Variants in GCN1 observed in about 807,000 individuals in gnomAD.
GCN1 encodes the protein stalled ribosome sensor GCN1.
In GCN1, 90 loss-of-function variants were observed where a neutral mutation model predicts 288.4. The ratio of observed to expected loss-of-function variants is 0.31; its 90% CI spans 0.26 to 0.37. The LOEUF (loss-of-function observed/expected upper bound fraction) is 0.37. Among genes scored for constraint, GCN1 ranks in the 10% least tolerant of loss-of-function variants. The pLI is 1.00. For synonymous variants in GCN1, 1,386 were observed against 1,420.2 expected (o/e 0.98, Z 0.54); for missense variants, 2,586 against 3,419.9 (o/e 0.76, Z 6.08).
Position 120,144,624 on chromosome 12 carries a change from G to A in GCN1, c.5352+15C>T, listed in dbSNP as rs751189355. 1.6e-5 allele frequency: 25 copies of A among 1,609,756 alleles called. No individual in the cohort carries two copies. Among genetic ancestry groups the A allele is most frequent in the Middle Eastern group, 1.6e-4 (1 of 6,074 alleles). ...TCCTCAAGGACTCTACCCTTGCCAA[G>A]GTCATGGTACCTACTTTGAGGATAC... On this transcript the variant is annotated intron_variant, in intron 41 of 57. Transcript: ENST00000300648. The surrounding 1 kb of genome is among the most constrained non-coding windows in gnomAD (Gnocchi z 4.7).
At chr12:120,188,410 G>C (rs1197573203) in intron 2 of GCN1, among the ~76,000 whole-genome samples, 1 of 148,312 alleles carries the variant, frequency 6.7e-6, no homozygotes, top group Non-Finnish European at 1.5e-5. Context: ...CTCCAGCCTG[G>C]GTGACAGAGG....
intron 36 of GCN1, among the ~76,000 whole-genome samples, chr12:120,149,375 A>C (rs961181609): frequency 6.6e-6 from 1 of 152,172 alleles, no homozygotes; most frequent in African/African-American, 2.4e-5. Flanking sequence ...AAATACAAAA[A>C]TTAGCCAGGT....
Position 120,144,933 on chromosome 12 carries a change from G to T in GCN1, c.5145C>A (p.Gly1715=), listed in dbSNP as rs761418228. The T allele has an allele frequency of 6.2e-7, 1 of 1,614,154 alleles. No homozygotes were observed. Among genetic ancestry groups the T allele is most frequent in the South Asian group, 1.1e-5 (1 of 91,078 alleles). ...CTGCTCTGGCCTTACCCTGTGCAGCGCCTGAGCGATCCACAGAGCTCTGCT... is the reference window on the plus strand; with the variant it reads ...CTGCTCTGGCCTTACCCTGTGCAGCTCCTGAGCGATCCACAGAGCTCTGCT... ...TYEQSSVDRS[G]AAQGLAEVMA... is the part of the protein sequence containing the mutation. Residue 1715 remains glycine, a synonymous_variant, in exon 40 of 58, where the codon GGC becomes GGA. Coordinates refer to ENST00000300648, the MANE Select transcript of GCN1 (RefSeq NM_006836.2). This position sits in a 1 kb window ranked among gnomAD's most constrained non-coding sequence, Gnocchi z 4.7.
At chr12:120,129,641 T>C in intron 56 of GCN1, 147 bp from the exon 57 acceptor site, 1 of 651,668 alleles carries the variant, frequency 1.5e-6, no homozygotes. Flanking sequence ...GACTCGACCC[T>C]GGTTTCCTGC....
chr12:120,178,612 C>T lies in GCN1; in HGVS notation c.660+13G>A, dbSNP rs146346024. The stretch of plus-strand genomic sequence containing the variant: ...ACATAGCAAACCCACAGTCACTCTG[C>T]CTTGGCACTTGCCTTGTGCTGACTG... On this transcript the variant is annotated intron_variant, in intron 7 of 57. Coordinates refer to ENST00000300648, the MANE Select transcript of GCN1 (RefSeq NM_006836.2). 3 of 1,613,994 alleles carry T rather than the reference C, an allele frequency of 1.9e-6. No homozygotes were observed. Among genetic ancestry groups the T allele is most frequent in the Admixed American group, 1.7e-5 (1 of 60,010 alleles).
rs1877170877 is a variant in GCN1, at chr12:120,140,945, C to T, written c.5908G>A (p.Glu1970Lys). 7 of 1,613,972 alleles carry T rather than the reference C, an allele frequency of 4.3e-6. No homozygotes were observed. The South Asian group carries it at 7.7e-5, about 18-fold the overall frequency. The change falls in exon 45 of 58, where the codon GAA becomes AAA. Residue 1970 changes from glutamate to lysine, a missense_variant. Transcript: ENST00000300648. ...ILPEIIPILE[E>K]GLRSQKSDER... Reference sequence around the variant, plus strand: ...TCGCTCTTCTGAGACCTCAGGCCTTCCTCAAGGATGGGGATGATCTCGGGG... The same window carrying T: ...TCGCTCTTCTGAGACCTCAGGCCTTTCTCAAGGATGGGGATGATCTCGGGG...
At position 120,153,509 on chromosome 12, in the gene GCN1, C is replaced by T; in HGVS notation, c.3868-102G>A. The T allele has an allele frequency of 1.8e-6, 2 of 1,103,042 alleles. No homozygotes were observed. The highest frequency in any genetic ancestry group is 1.3e-6 in the Non-Finnish European group (1 of 769,440). 68.3% of individuals were successfully genotyped at this position (1,103,042 alleles called of 1,614,324 possible). On this transcript the variant is annotated intron_variant, in intron 32 of 57. Transcript: ENST00000300648. The surrounding 1 kb of genome is among the most constrained non-coding windows in gnomAD (Gnocchi z 4.4). ...ACCAAGACCAAGTCTAGCTCTGGGA[C>T]AGGCATCCTGACATGCCAGCCAGTG...
intron 46 of GCN1, 117 bp from the exon 47 acceptor site, chr12:120,138,532 A>C: frequency 9.8e-7 from 1 of 1,020,404 alleles, no homozygotes; most frequent in South Asian, 1.3e-5. Flanking sequence ...ACATTTCCTC[A>C]CTGCCGAAGG....
intron 45 of GCN1, among the ~76,000 whole-genome samples, chr12:120,139,565 T>G (rs894566202): frequency 2.0e-5 from 3 of 152,044 alleles, no homozygotes; most frequent in Non-Finnish European, 2.9e-5. Context: ...AAGGTCAAGG[T>G]TACAATGAGC....
chr12:120,194,624 G>C lies in GCN1; in HGVS notation c.18+56C>G. 2.7e-6 allele frequency: 4 copies of C among 1,487,840 alleles called. No individual in the cohort carries two copies. The South Asian group carries it at 4.9e-5, about 18-fold the overall frequency. 92.2% of individuals were successfully genotyped at this position (1,487,840 alleles called of 1,614,324 possible). A position where few individuals can be genotyped will look rare whatever the true frequency, so the allele number is the denominator to read the frequency against. ...AGGAGCGAGAGGGGCCCCGCCCGAC[G>C]GCCACCGTCCGCACCCAGTCCCTGG... On this transcript the variant is annotated intron_variant, in intron 1 of 57. Coordinates refer to ENST00000300648, the MANE Select transcript of GCN1 (RefSeq NM_006836.2).
At position 120,160,029 on chromosome 12, in the gene GCN1, A is replaced by T. The variant is rs910544302; in HGVS notation, c.2551-6T>A. The T allele has an allele frequency of 1.9e-6, 3 of 1,613,884 alleles. No individual in the cohort carries two copies. Among genetic ancestry groups the T allele is most frequent in the Admixed American group, 1.7e-5 (1 of 60,024 alleles). On this transcript the variant is annotated splice_region_variant and splice_polypyrimidine_tract_variant and intron_variant, in intron 23 of 57. Transcript: ENST00000300648. ...GCCTCCAGCTCCCCATCCAGCTGCAAGCAGAGTTGTCCAGAAGGCAGGTCA... is the reference window on the plus strand; with the variant it reads ...GCCTCCAGCTCCCCATCCAGCTGCATGCAGAGTTGTCCAGAAGGCAGGTCA...
intron 16 of GCN1, among the ~76,000 whole-genome samples, chr12:120,167,609 C>A (rs1048870727): frequency 2.6e-5 from 4 of 152,044 alleles, no homozygotes; most frequent in African/African-American, 9.7e-5. Flanking sequence ...TCAATGTAGA[C>A]CCTCTTGTAT....
intron 53 of GCN1, among the ~76,000 whole-genome samples, 156 bp from the exon 54 acceptor site, chr12:120,132,178 G>A (rs964619034): frequency 1.3e-5 from 2 of 152,160 alleles, no homozygotes; most frequent in Admixed American, 6.5e-5. Flanking sequence ...GTAGGCACTC[G>A]TGCTCCCCTG....
intron 12 of GCN1, among the ~76,000 whole-genome samples, chr12:120,174,735 G>A (rs954803313): frequency 1.4e-5 from 2 of 146,198 alleles, no homozygotes; most frequent in African/African-American, 5.1e-5. Flanking sequence ...AGGTTGCAGT[G>A]AGCCAAGATT....
In GCN1 at chr12:120,155,108, G is replaced by A. The variant is rs1877698441; in HGVS notation, c.3631-68C>T. ...AATGACCTGGGCACCAGGATTGTGA[G>A]GCAGGAAACTAGCCGCAGCTACCCT... On this transcript the variant is annotated intron_variant, in intron 30 of 57. Coordinates refer to ENST00000300648, the MANE Select transcript of GCN1 (RefSeq NM_006836.2). The surrounding 1 kb of genome is among the most constrained non-coding windows in gnomAD (Gnocchi z 4.9). 3.3e-5 allele frequency: 51 copies of A among 1,528,420 alleles called. No individual in the cohort carries two copies. The highest frequency in any genetic ancestry group is 4.5e-5 in the Non-Finnish European group (50 of 1,101,736). The allele number at this position is 1,528,420 out of a possible 1,614,324, so 94.7% of individuals were successfully genotyped here. A position where few individuals can be genotyped will look rare whatever the true frequency, so the allele number is the denominator to read the frequency against.
In GCN1 at chr12:120,138,705, A is replaced by C. The variant is rs1253054007; in HGVS notation, c.6146T>G (p.Leu2049Arg). 2 of 1,613,694 alleles carry C rather than the reference A, an allele frequency of 1.2e-6. No individual in the cohort carries two copies. Among genetic ancestry groups the C allele is most frequent in the East Asian group, 2.2e-5 (1 of 44,878 alleles). Residue 2049 changes from leucine to arginine, a missense_variant, in exon 46 of 58, where the codon CTA (leucine) becomes CGA (arginine). Coordinates refer to ENST00000300648, the MANE Select transcript of GCN1 (RefSeq NM_006836.2). ...GGTAGATCCACTCACCAGCTGCTTTAGTAAAAATGGGAGAATGTCCTCCAG... is the reference window on the plus strand; with the variant it reads ...GGTAGATCCACTCACCAGCTGCTTTCGTAAAAATGGGAGAATGTCCTCCAG... ...QALEDILPFL[L>R]KQLDDEEVSE...
chr12:120,190,445 A>C, intron 1 of GCN1, 45 bp from the exon 2 acceptor site: 2 of 1,026,622 alleles, frequency 1.9e-6, no homozygotes, highest in Non-Finnish European at 3.1e-6. Flanking sequence ...CAGACTATAA[A>C]ACTATGAGTG....
rs1174163332 is a variant in GCN1 at position 120,190,408 on chromosome 12, G to A, written c.19-8C>T. On this transcript the variant is annotated splice_region_variant and splice_polypyrimidine_tract_variant and intron_variant, in intron 1 of 57. Coordinates refer to ENST00000300648, the MANE Select transcript of GCN1 (RefSeq NM_006836.2). ...CTTTAGTGTCTCGGAAACCTGTGAA[G>A]GCCAAGCAACAGAAAAATTCACTAG... 5 of 1,483,590 alleles carry A rather than the reference G, an allele frequency of 3.4e-6. No individual in the cohort carries two copies. Among genetic ancestry groups the A allele is most frequent in the Non-Finnish European group, 4.7e-6 (5 of 1,061,058 alleles). 91.9% of individuals were successfully genotyped at this position (1,483,590 alleles called of 1,614,324 possible). A position where few individuals can be genotyped will look rare whatever the true frequency, so the allele number is the denominator to read the frequency against.
intron 1 of GCN1, among the ~76,000 whole-genome samples, chr12:120,192,969 G>C (rs190207990): frequency 6.6e-6 from 1 of 152,208 alleles, no homozygotes; most frequent in Admixed American, 6.5e-5. Flanking sequence ...CTGGGAGGCA[G>C]AGGTTGCAGT....
Sources: allele counts gnomAD v4.1 joint callset (sites outside exome capture counted in the v4.1 genomes callset), GRCh38; gene constraint gnomAD v4.1.1; non-coding constraint Gnocchi (gnomAD v3.1); transcripts MANE v1.5; gene names NCBI Gene and HGNC (gene_info 2026-07-23, HGNC 2026-07-21).